INTS10: variants seen among roughly 807,000 people sequenced by gnomAD.
INTS10 encodes integrator complex subunit 10, also known as chromosome 8 open reading frame 35.
Under a neutral mutation model 94.4 loss-of-function variants are expected in INTS10, and 44 were observed. The observed-to-expected ratio is 0.47, with a 90% CI of 0.37 to 0.60. INTS10 has a LOEUF of 0.60. Ranked by LOEUF, INTS10 falls within the 20% of genes least tolerant of loss-of-function variation. The pLI, the probability that INTS10 is intolerant of heterozygous loss-of-function variation, is 0.00. For missense variants in INTS10, 797 were observed against 868.7 expected, an observed-to-expected ratio of 0.92 and a Z score of 1.04; for synonymous variants, 341 against 320.7, an observed-to-expected ratio of 1.06 and a Z score of -0.68.
At chr8:19,841,719 T>A (rs1047016249) in intron 13 of INTS10, 3 of 420,806 alleles carry the variant, frequency 7.1e-6, no homozygotes, top group African/African-American at 6.2e-5. Flanking sequence ...GGAAACCAAC[T>A]TCCCATGACC....
intron 5 of INTS10, among the ~76,000 whole-genome samples, chr8:19,822,975 C>T (rs1845871346): frequency 6.6e-6 from 1 of 151,156 alleles, no homozygotes. Flanking sequence ...TTTTAAACAA[C>T]TTCTAAACTT....
At position 19,818,309 on chromosome 8, in the gene INTS10, G is replaced by A; in HGVS notation, c.164G>A (p.Arg55Gln). Residue 55 changes from arginine (R) to glutamine (Q), a missense_variant, in exon 2 of 17, where the codon CGG becomes CAG. Coordinates refer to ENST00000397977, the MANE Select transcript of INTS10 (RefSeq NM_018142.4). ...EMYTIERNAE[R>Q]TATAGRLLYD... ...TACACCATCGAGCGGAATGCAGAGC[G>A]GACCGCCACCGCCGGGAGGCTGCTG... 6.2e-7 allele frequency: 1 copy of A among 1,614,186 alleles called. No individual in the cohort carries two copies. The highest frequency in any genetic ancestry group is 8.5e-7 in the Non-Finnish European group (1 of 1,180,040).
intron 16 of INTS10, among the ~76,000 whole-genome samples, chr8:19,847,570 G>A (rs997945391): frequency 2.6e-5 from 4 of 152,214 alleles, no homozygotes; most frequent in East Asian, 1.9e-4. Flanking sequence ...TAGTGGAACC[G>A]AAGTCTGTGT....
At chr8:19,818,721 G>C (rs541348843) in intron 2 of INTS10, 57 of 187,808 alleles carry the variant, frequency 3.0e-4, no homozygotes, top group African/African-American at 1.3e-3. Context: ...ACATAAATAA[G>C]GTTTTGGGGG....
chr8:19,820,713 C>T (rs1044968799), intron 4 of INTS10, among the ~76,000 whole-genome samples, 195 bp downstream of exon 4: 1 of 152,142 alleles, frequency 6.6e-6, no homozygotes, highest in Non-Finnish European at 1.5e-5. Flanking sequence ...CCAGGAGAAG[C>T]TGTTTTATCA....
intron 5 of INTS10, among the ~76,000 whole-genome samples, chr8:19,823,018 T>G (rs558563740): frequency 1.3e-5 from 2 of 151,874 alleles, no homozygotes; most frequent in South Asian, 4.2e-4. Flanking sequence ...TCTGAAAGAA[T>G]ATGCATAGCT....
At chr8:19,832,195 A>G (rs1297514229) in intron 11 of INTS10, 85 bp downstream of exon 11, 1 of 786,238 alleles carries the variant, frequency 1.3e-6, no homozygotes, top group Non-Finnish European at 2.3e-6. Flanking sequence ...AGAATGTGTC[A>G]TGTTCCCTCT....
chr8:19,838,281 G>A (rs2067832192), intron 13 of INTS10, among the ~76,000 whole-genome samples: 1 of 151,126 alleles, frequency 6.6e-6, no homozygotes, highest in South Asian at 2.1e-4. Context: ...ATTTGAACCT[G>A]AGAGGCAGAG....
chr8:19,821,613 A>T (rs1213245008), intron 4 of INTS10: 3 of 152,120 alleles, frequency 2.0e-5, no homozygotes, highest in African/African-American at 7.2e-5. Context: ...TGGCCATGTT[A>T]TAAGGACACT....
chr8:19,822,356 TA>T (rs879121404), intron 4 of INTS10, 82 bp from the exon 5 acceptor site: 244 of 722,642 alleles, frequency 3.4e-4, no homozygotes, highest in Non-Finnish European at 4.2e-4. Context: ...CTGTGATAAG[TA>T]AAAAAAATAC....
Position 19,849,387 on chromosome 8 carries a change from G to A in INTS10, c.1977-2262G>A. 3.2e-6 allele frequency: 1 copy of A among 311,436 alleles called. No individual in the cohort carries two copies. Among genetic ancestry groups the A allele is most frequent in the South Asian group, 2.6e-5 (1 of 38,550 alleles). The allele number at this position is 311,436 out of a possible 1,614,324, so 19.3% of individuals were successfully genotyped here. On this transcript the variant is annotated intron_variant, in intron 16 of 16. Coordinates refer to ENST00000397977, the MANE Select transcript of INTS10 (RefSeq NM_018142.4). This position sits in a 1 kb window ranked among gnomAD's most constrained non-coding sequence, Gnocchi z 4.6. ...CCGCATTTTGGCAAACCATCTGGTT[G>A]TAATATTGTAACATTTCTTATTTTT...
At chr8:19,828,890 T>C (rs1177468182) in intron 9 of INTS10, among the ~76,000 whole-genome samples, 1 of 152,012 alleles carries the variant, frequency 6.6e-6, no homozygotes, top group Non-Finnish European at 1.5e-5. Flanking sequence ...AAGGTGTGTT[T>C]TTCCCAATGC....
chr8:19,825,290 G>C (rs1339161128), intron 8 of INTS10, among the ~76,000 whole-genome samples: 2 of 152,166 alleles, frequency 1.3e-5, no homozygotes, highest in Non-Finnish European at 2.9e-5. Context: ...ACTTTGGCAG[G>C]TGAGGCCGGT....
At chr8:19,820,326 G>A in intron 3 of INTS10, 53 bp from the exon 4 acceptor site, 2 of 1,556,376 alleles carry the variant, frequency 1.3e-6, no homozygotes, top group Non-Finnish European at 1.8e-6. Flanking sequence ...CACTGTTGCT[G>A]CAGTCTTTTC....
intron 8 of INTS10, among the ~76,000 whole-genome samples, 165 bp from the exon 9 acceptor site, chr8:19,826,261 T>C (rs1193443122): frequency 6.6e-6 from 1 of 152,096 alleles, no homozygotes; most frequent in East Asian, 1.9e-4. Context: ...TTTGTATTTT[T>C]AGTAGAGATG....
chr8:19,836,345 G>C (rs2067662019), intron 12 of INTS10, among the ~76,000 whole-genome samples: 1 of 152,108 alleles, frequency 6.6e-6, no homozygotes, highest in South Asian at 2.1e-4. Flanking sequence ...AGTAGATAGA[G>C]AGGGAGCGGT....
chr8:19,823,666 G>C (rs1050157823), intron 6 of INTS10, among the ~76,000 whole-genome samples: 3 of 152,098 alleles, frequency 2.0e-5, no homozygotes, highest in Non-Finnish European at 4.4e-5. Flanking sequence ...GTTATTGCAT[G>C]GAACATTACA....
intron 3 of INTS10, 114 bp from the exon 4 acceptor site, chr8:19,820,265 T>A: frequency 1.0e-6 from 1 of 968,006 alleles, no homozygotes; most frequent in Non-Finnish European, 1.5e-6. Flanking sequence ...TTAACTGCAT[T>A]GATTTCACAT....
At chr8:19,838,946 C>T (rs2067895022) in intron 13 of INTS10, among the ~76,000 whole-genome samples, 1 of 152,102 alleles carries the variant, frequency 6.6e-6, no homozygotes, top group African/African-American at 2.4e-5. Context: ...GTGGCAGGCA[C>T]CTGTAATCCC....
Sources: allele counts gnomAD v4.1 joint callset (sites outside exome capture counted in the v4.1 genomes callset), GRCh38; gene constraint gnomAD v4.1.1; non-coding constraint Gnocchi (gnomAD v3.1); transcripts MANE v1.5; gene names NCBI Gene and HGNC (gene_info 2026-07-23, HGNC 2026-07-21).